TACC1: variants seen among roughly 807,000 people sequenced by gnomAD.
TACC1 encodes transforming acidic coiled-coil containing protein 1, also known as transforming acidic coiled-coil-containing protein 1.
Under a neutral mutation model 84.4 loss-of-function variants are expected in TACC1, and 48 were observed. The observed-to-expected ratio is 0.57, with a 90% CI of 0.45 to 0.72. The LOEUF (loss-of-function observed/expected upper bound fraction) is 0.72, where lower values mean the gene tolerates loss of function less well. TACC1 is among the 30% of genes least tolerant of loss of function. The pLI, the probability that TACC1 is intolerant of heterozygous loss-of-function variation, is 0.00. For synonymous variants in TACC1, 372 were observed against 376.3 expected, an observed-to-expected ratio of 0.99 and a Z score of 0.13; for missense variants, 920 against 973.0, an observed-to-expected ratio of 0.95 and a Z score of 0.72.
In TACC1 at chr8:38,750,596, G is replaced by A. The variant is rs376934261; in HGVS notation, c.26+5103G>A. On this transcript the variant is annotated intron_variant, in intron 3 of 14. Transcript: ENST00000518415. Reference sequence around the variant, plus strand: ...CAATAAAAGCTATTAGAGGTACAAGGTTGCAGGATAAAATATACAAAAATC... The same window carrying A: ...CAATAAAAGCTATTAGAGGTACAAGATTGCAGGATAAAATATACAAAAATC... Among the ~76,000 whole-genome samples the A allele has an allele frequency of 1.2e-4, 18 of 152,262 alleles. No individual in the cohort carries two copies. The South Asian group carries it at 3.5e-3, about 30-fold the overall frequency.
intron 1 of TACC1, among the ~76,000 whole-genome samples, chr8:38,736,573 A>C (rs1340482704): frequency 6.6e-6 from 1 of 152,156 alleles, no homozygotes; most frequent in Non-Finnish European, 1.5e-5. Context: ...CTATGATTGC[A>C]CCACTGCACT....
chr8:38,734,732 G>A (rs987923460), intron 1 of TACC1, among the ~76,000 whole-genome samples: 3 of 152,244 alleles, frequency 2.0e-5, no homozygotes, highest in Non-Finnish European at 2.9e-5. Context: ...GCCGGGCCTG[G>A]CAGTCGCGTT....
chr8:38,732,213 G>T (rs1805094516), intron 1 of TACC1, among the ~76,000 whole-genome samples: 2 of 152,038 alleles, frequency 1.3e-5, no homozygotes, highest in South Asian at 2.1e-4. Flanking sequence ...GAAAGGAAAA[G>T]AAAATGGTAT....
At chr8:38,758,632 T>C (rs1293412868) in intron 3 of TACC1, among the ~76,000 whole-genome samples, 2 of 127,062 alleles carry the variant, frequency 1.6e-5, no homozygotes, top group Non-Finnish European at 3.1e-5. Flanking sequence ...TGAGCCAAGA[T>C]CGGGCCACTG....
chr8:38,773,402 TA>T (rs893410470), intron 3 of TACC1, among the ~76,000 whole-genome samples: 9 of 148,214 alleles, frequency 6.1e-5, no homozygotes, highest in Admixed American at 4.7e-4. Flanking sequence ...TAATATAATA[TA>T]AATTTTTATA....
At chr8:38,840,138 G>A in intron 8 of TACC1, 86 bp from the exon 9 acceptor site, 1 of 887,316 alleles carries the variant, frequency 1.1e-6, no homozygotes, top group South Asian at 1.4e-5. Flanking sequence ...GTATGTTAAT[G>A]TGTTTAATTG....
At chr8:38,730,314 C>G (rs1193848868) in intron 1 of TACC1, among the ~76,000 whole-genome samples, 1 of 152,248 alleles carries the variant, frequency 6.6e-6, no homozygotes, top group African/African-American at 2.4e-5. Context: ...CGTGCAGGGA[C>G]AGACAAGGGG....
chr8:38,762,471 A>G (rs1165974245), intron 3 of TACC1, among the ~76,000 whole-genome samples: 4 of 152,154 alleles, frequency 2.6e-5, no homozygotes, highest in Admixed American at 6.5e-5. Context: ...ATGGCTGAAC[A>G]GTATTCCATT....
At chr8:38,787,850 G>A (rs1563482804) in intron 1 of TACC1, 107 bp downstream of exon 1, 6 of 1,126,518 alleles carry the variant, frequency 5.3e-6, no homozygotes, top group African/African-American at 1.7e-5. Context: ...CCGTCCTCAC[G>A]GCCGTGCCGC....
Position 38,804,353 on chromosome 8 carries a change from C to T in TACC1, c.278-15169C>T, listed in dbSNP as rs145543585. ...TCGCTCTTGTCACCCAGGCTGAGTT[C>T]AGTGGCGCCATCTTGGCTCACTGCA... On this transcript the variant is annotated intron_variant, in intron 2 of 12. Coordinates refer to ENST00000317827, the MANE Select transcript of TACC1 (RefSeq NM_006283.3). 2.3e-3 allele frequency among the ~76,000 whole-genome samples: 350 copies of T among 152,110 alleles called. 1 individual carries two copies. Among genetic ancestry groups the T allele is most frequent in the African/African-American group, 8.2e-3 (342 of 41,492 alleles).
intron 3 of TACC1, among the ~76,000 whole-genome samples, chr8:38,774,659 A>AT (rs950363404): frequency 9.2e-5 from 14 of 151,440 alleles, no homozygotes; most frequent in African/African-American, 2.2e-4. Flanking sequence ...CACCAGGCTA[A>AT]TTTTTTTTTG....
chr8:38,729,263 G>A (rs1804435705), intron 1 of TACC1, among the ~76,000 whole-genome samples: 1 of 152,200 alleles, frequency 6.6e-6, no homozygotes, highest in African/African-American at 2.4e-5. Context: ...CCGGGTGCAG[G>A]GATGTGGCAC....
At chr8:38,824,277 C>T (rs992049292) in intron 3 of TACC1, among the ~76,000 whole-genome samples, 3 of 152,252 alleles carry the variant, frequency 2.0e-5, no homozygotes, top group Non-Finnish European at 4.4e-5. Flanking sequence ...TGTCACGTGG[C>T]GCTTTGACAA....
intron 2 of TACC1, among the ~76,000 whole-genome samples, chr8:38,794,737 C>T (rs967930055): frequency 6.6e-5 from 10 of 152,112 alleles, no homozygotes; most frequent in Admixed American, 2.0e-4. Context: ...AGTATATCCT[C>T]CTAAGGATTT....
At chr8:38,765,115 G>A (rs573489359) in intron 3 of TACC1, among the ~76,000 whole-genome samples, 12 of 151,086 alleles carry the variant, frequency 7.9e-5, no homozygotes, top group Non-Finnish European at 1.3e-4. Flanking sequence ...AAAAAATTCC[G>A]TATCATAACC....
chr8:38,808,001 G>A (rs1823163030), intron 2 of TACC1, among the ~76,000 whole-genome samples: 1 of 152,232 alleles, frequency 6.6e-6, no homozygotes, highest in South Asian at 2.1e-4. Context: ...GAAAGGAAGA[G>A]TTTCATTAAC....
chr8:38,765,957 G>A (rs947414759), intron 3 of TACC1, among the ~76,000 whole-genome samples: 1 of 152,138 alleles, frequency 6.6e-6, no homozygotes, highest in Non-Finnish European at 1.5e-5. Context: ...TGCTGAAATA[G>A]TGGCACCTTC....
chr8:38,818,252 C>CT (rs1444281350), intron 2 of TACC1, among the ~76,000 whole-genome samples: 5 of 152,014 alleles, frequency 3.3e-5, no homozygotes, highest in Admixed American at 2.0e-4. Context: ...AAAATAAAAA[C>CT]TATAGCTATG....
chr8:38,816,561 CCTCTT>C (rs549612747), intron 2 of TACC1, among the ~76,000 whole-genome samples: 164 of 152,316 alleles, frequency 1.1e-3, no homozygotes, highest in Admixed American at 5.0e-3. Context: ...TCTCATAACT[CCTCTT>C]CTCAGTTTCA....
Sources: gnomAD v4.1 joint callset for allele counts (sites outside exome capture counted in the v4.1 genomes callset) on GRCh38, gnomAD v4.1.1 for gene constraint, MANE v1.5 for transcripts, NCBI Gene and HGNC (gene_info 2026-07-23, HGNC 2026-07-21) for gene names.